Variants in ITGB6 observed in about 807,000 individuals in gnomAD.
The protein encoded by ITGB6 is integrin subunit beta 6.
Under a neutral mutation model 84.5 loss-of-function variants are expected in ITGB6, and 80 were observed. That is an observed-to-expected ratio of 0.95 (90% CI 0.79 to 1.14). The LOEUF (loss-of-function observed/expected upper bound fraction) is 1.14. ITGB6 is among the 50% of genes most tolerant of loss of function. The probability of loss-of-function intolerance (pLI) is 0.00; values close to 1 mark genes in which losing one functional copy is unlikely to be tolerated. For synonymous variants in ITGB6, 383 were observed against 354.9 expected, an observed-to-expected ratio of 1.08 and a Z score of -0.89; for missense variants, 1,006 against 968.0, an observed-to-expected ratio of 1.04 and a Z score of -0.52.
chr2:160,176,373 C>T lies in ITGB6; in HGVS notation c.594-2234G>A, dbSNP rs933719357. 3.3e-5 allele frequency among the ~76,000 whole-genome samples: 5 copies of T among 152,238 alleles called. No individual in the cohort carries two copies. The East Asian group carries it at 9.6e-4, about 29-fold the overall frequency. Reference sequence around the variant, plus strand: ...CCCTAGCCCACTAGGTCTCTCTGTCCTTTCAGCTGCATCAATACACCTAGT... The same window carrying T: ...CCCTAGCCCACTAGGTCTCTCTGTCTTTTCAGCTGCATCAATACACCTAGT... On this transcript the variant is annotated intron_variant, in intron 4 of 14. Coordinates refer to ENST00000283249, the MANE Select transcript of ITGB6 (RefSeq NM_000888.5).
chr2:160,184,157 C>CA (rs1200387178), intron 4 of ITGB6, among the ~76,000 whole-genome samples: 4 of 152,066 alleles, frequency 2.6e-5, no homozygotes, highest in East Asian at 1.9e-4. Context: ...GATAGAGACA[C>CA]AAAAAACCCT....
At chr2:160,104,846 C>T (rs1696848723) in intron 14 of ITGB6, among the ~76,000 whole-genome samples, 1 of 152,152 alleles carries the variant, frequency 6.6e-6, no homozygotes, top group South Asian at 2.1e-4. Context: ...CCTTTCTTTA[C>T]AGCTGCTCTG....
chr2:160,107,899 G>T (rs891127101), intron 13 of ITGB6, 54 bp from the exon 14 acceptor site: 4 of 1,429,994 alleles, frequency 2.8e-6, no homozygotes, highest in South Asian at 1.3e-5. Context: ...TTTTGACATC[G>T]GAAAGGCATT....
chr2:160,116,056 G>C (rs1198226977), intron 12 of ITGB6, among the ~76,000 whole-genome samples: 11 of 145,498 alleles, frequency 7.6e-5, no homozygotes, highest in African/African-American at 2.6e-4. Flanking sequence ...TGAAAGTGAC[G>C]GGGAGAATGG....
chr2:160,132,727 T>G (rs1291114822), intron 10 of ITGB6, among the ~76,000 whole-genome samples: 1 of 152,108 alleles, frequency 6.6e-6, no homozygotes, highest in Non-Finnish European at 1.5e-5. Flanking sequence ...TATATATGTG[T>G]GCATATATAT....
chr2:160,105,544 A>G (rs1183900172), intron 14 of ITGB6, among the ~76,000 whole-genome samples: 1 of 152,182 alleles, frequency 6.6e-6, no homozygotes, highest in Non-Finnish European at 1.5e-5. Context: ...CTGTGCTTAG[A>G]AGAACAATGA....
chr2:160,104,006 T>G (rs1003662811), intron 14 of ITGB6, among the ~76,000 whole-genome samples: 1 of 152,156 alleles, frequency 6.6e-6, no homozygotes, highest in Admixed American at 6.5e-5. Flanking sequence ...TAACACAATG[T>G]TATTTAGTAG....
At chr2:160,132,060 ATTTCAAGTG>A (rs1683490458) in intron 10 of ITGB6, among the ~76,000 whole-genome samples, 2 of 152,122 alleles carry the variant, frequency 1.3e-5, no homozygotes, top group African/African-American at 4.8e-5. Context: ...TTGAAAGGTA[ATTTCAAGTG>A]TTTTGAACAT....
chr2:160,189,713 G>A (rs1302630742), intron 4 of ITGB6, among the ~76,000 whole-genome samples: 5 of 151,880 alleles, frequency 3.3e-5, no homozygotes, highest in East Asian at 1.9e-4. Context: ...AACAGGTGCT[G>A]GAGAGGATGT....
chr2:160,163,842 T>C (rs560292032), intron 7 of ITGB6, among the ~76,000 whole-genome samples: 1 of 152,212 alleles, frequency 6.6e-6, no homozygotes, highest in East Asian at 1.9e-4. Flanking sequence ...ATAAAATGAG[T>C]GCAAAATCCT....
rs887381626 is a variant in ITGB6, at chr2:160,172,606, A to G, written c.884T>C (p.Leu295Ser). ...CATGGAGTATTCATTCTTGCTGTCC[A>G]AGTGACAGAGCCCGTCATTAGGAAT... The part of the protein sequence containing the change: ...IVIPNDGLCH[L>S]DSKNEYSMST... The change falls in exon 6 of 15, where the codon TTG (leucine) becomes TCG (serine). Residue 295 changes from leucine to serine, a missense_variant. Coordinates refer to ENST00000283249, the MANE Select transcript of ITGB6 (RefSeq NM_000888.5). 2.5e-6 allele frequency: 4 copies of G among 1,610,994 alleles called. No individual in the cohort carries two copies. Among genetic ancestry groups the G allele is most frequent in the Non-Finnish European group, 3.4e-6 (4 of 1,177,488 alleles).
At chr2:160,113,850 T>A (rs1682637638) in intron 12 of ITGB6, among the ~76,000 whole-genome samples, 1 of 152,214 alleles carries the variant, frequency 6.6e-6, no homozygotes, top group Admixed American at 6.5e-5. Context: ...TTACCACATC[T>A]CCTGTTCACT....
At chr2:160,180,486 C>A (rs981354831) in intron 4 of ITGB6, among the ~76,000 whole-genome samples, 1 of 151,876 alleles carries the variant, frequency 6.6e-6, no homozygotes, top group Non-Finnish European at 1.5e-5. Context: ...TTTAGAGGTA[C>A]CTGTGTGGGT....
intron 12 of ITGB6, among the ~76,000 whole-genome samples, chr2:160,112,797 G>GA (rs958348291): frequency 0.017 from 2,251 of 132,838 alleles, 31 homozygotes; most frequent in African/African-American, 0.038. Flanking sequence ...TTCTTAATTT[G>GA]AAAAAAAAAA....
chr2:160,196,569 G>C, intron 2 of ITGB6, 149 bp from the exon 3 acceptor site: 2 of 650,618 alleles, frequency 3.1e-6, no homozygotes, highest in African/African-American at 1.8e-5. Flanking sequence ...ATTGATTATA[G>C]GTCTAAAGTT....
intron 7 of ITGB6, among the ~76,000 whole-genome samples, chr2:160,143,895 C>G (rs1000729529): frequency 6.6e-6 from 1 of 152,090 alleles, no homozygotes; most frequent in African/African-American, 2.4e-5. Flanking sequence ...AAGTGGGTCC[C>G]TGGGTGAGTC....
chr2:160,118,599 A>T (rs376683973), intron 12 of ITGB6, among the ~76,000 whole-genome samples: 18 of 152,216 alleles, frequency 1.2e-4, no homozygotes, highest in Admixed American at 3.3e-4. Context: ...CTTTGAAAAC[A>T]GGCACAAGAC....
chr2:160,141,919 T>C, intron 8 of ITGB6, 63 bp downstream of exon 8: 1 of 1,050,560 alleles, frequency 9.5e-7, no homozygotes, highest in Non-Finnish European at 1.4e-6. Flanking sequence ...ACTGCCTAAA[T>C]CACATCTTAG....
At chr2:160,145,597 A>G (rs1684155379) in intron 7 of ITGB6, among the ~76,000 whole-genome samples, 1 of 152,152 alleles carries the variant, frequency 6.6e-6, no homozygotes, top group African/African-American at 2.4e-5. Flanking sequence ...CTGCATTCCC[A>G]CCTGCACATC....
Sources: allele counts gnomAD v4.1 joint callset (sites outside exome capture counted in the v4.1 genomes callset), GRCh38; gene constraint gnomAD v4.1.1; transcripts MANE v1.5; gene names NCBI Gene and HGNC (gene_info 2026-07-23, HGNC 2026-07-21).